Variants in SPTA1 observed in about 807,000 individuals in gnomAD.
SPTA1 encodes spectrin alpha, erythrocytic 1.
SPTA1 carries 177 observed loss-of-function variants against 324.7 expected under a neutral mutation model. That is an observed-to-expected ratio of 0.55 (90% confidence interval 0.48 to 0.62). The LOEUF (loss-of-function observed/expected upper bound fraction) is 0.62. SPTA1 is among the 20% of genes least tolerant of loss of function. The pLI, the probability that SPTA1 is intolerant of heterozygous loss-of-function variation, is 0.00. For missense variants in SPTA1, 3,162 were observed against 2,883.6 expected (o/e 1.10, Z -2.21); for synonymous variants, 1,195 against 1,041.3 (o/e 1.15, Z -2.84).
intron 5 of SPTA1, among the ~76,000 whole-genome samples, chr1:158,679,943 A>T (rs1373124820): frequency 1.3e-5 from 2 of 152,166 alleles, no homozygotes; most frequent in African/African-American, 4.8e-5. Context: ...CAGGAAAATC[A>T]TTCTCACTAT....
At chr1:158,650,723 G>A (rs182839501) in intron 24 of SPTA1, among the ~76,000 whole-genome samples, 4 of 152,256 alleles carry the variant, frequency 2.6e-5, no homozygotes, top group Admixed American at 2.6e-4. Flanking sequence ...AGTATGTGTT[G>A]TAATTTAAGA....
At chr1:158,647,469 A>T in intron 27 of SPTA1, 70 bp downstream of exon 27, 1 of 1,592,662 alleles carries the variant, frequency 6.3e-7, no homozygotes. Context: ...AGTGAACAGC[A>T]TCTGTACCCA....
chr1:158,640,135 T>C lies in SPTA1; in HGVS notation c.4738-128A>G, dbSNP rs1458996525. ...AAAATTTGCTGATACTTGAATATCA[T>C]ACATTTCAAACCAGTTATACTTAAT... On this transcript the variant is annotated intron_variant, in intron 33 of 51. Transcript: ENST00000643759. 8.7e-6 allele frequency: 10 copies of C among 1,154,354 alleles called. No individual in the cohort carries two copies. The Admixed American group carries it at 1.8e-4, about 21-fold the overall frequency. 71.5% of individuals were successfully genotyped at this position (1,154,354 alleles called of 1,614,324 possible).
At position 158,637,912 on chromosome 1, in the gene SPTA1, A is replaced by C. The variant is rs1651204021; in HGVS notation, c.5189+121T>G. ...ATGTTAACCTTAAGCTGAGGCAAACATGAAGTAGTGCTATCTTCAAGAAAC... is the reference window on the plus strand; with the variant it reads ...ATGTTAACCTTAAGCTGAGGCAAACCTGAAGTAGTGCTATCTTCAAGAAAC... On this transcript the variant is annotated intron_variant, in intron 36 of 51. Transcript: ENST00000643759. 7.7e-6 allele frequency: 9 copies of C among 1,173,766 alleles called. No homozygotes were observed. The Admixed American group carries it at 1.5e-4, about 20-fold the overall frequency. 72.7% of individuals were successfully genotyped at this position (1,173,766 alleles called of 1,614,324 possible).
intron 40 of SPTA1, 70 bp downstream of exon 40, chr1:158,627,555 G>T: frequency 7.0e-7 from 1 of 1,425,828 alleles, no homozygotes. Flanking sequence ...TATGATCTTA[G>T]CATTTCTACA....
intron 39 of SPTA1, among the ~76,000 whole-genome samples, chr1:158,632,491 A>G (rs1441114011): frequency 6.6e-6 from 1 of 152,218 alleles, no homozygotes; most frequent in Non-Finnish European, 1.5e-5. Context: ...TAACAATTCA[A>G]TTAGAAAATA....
chr1:158,666,218 A>C (rs1372598235), intron 16 of SPTA1, 98 bp downstream of exon 16: 3 of 1,236,740 alleles, frequency 2.4e-6, no homozygotes, highest in Non-Finnish European at 3.5e-6. Context: ...TTACTTATTA[A>C]GTAATTAATA....
Position 158,648,602 on chromosome 1 carries a change from A to G in SPTA1, c.3621T>C (p.Ser1207=). 1.2e-6 allele frequency: 2 copies of G among 1,614,026 alleles called. No homozygotes were observed. Among genetic ancestry groups the G allele is most frequent in the Non-Finnish European group, 1.7e-6 (2 of 1,179,974 alleles). ...EQIEKKCQAL[S]AADPGSDLFS... is the part of the protein sequence containing the mutation. ...ACAGATCTGAGCCAGGGTCTGCAGCACTGAGGGCCTGGCATTTCTTCTCAA... is the reference window on the plus strand; with the variant it reads ...ACAGATCTGAGCCAGGGTCTGCAGCGCTGAGGGCCTGGCATTTCTTCTCAA... Residue 1207 remains serine (S), a synonymous_variant, in exon 26 of 52, where the codon AGT becomes AGC. Transcript: ENST00000643759.
In SPTA1 at chr1:158,686,703, C is replaced by A; in HGVS notation, c.-186G>T. On this transcript the variant is annotated 5_prime_UTR_variant, in exon 1 of 52. Coordinates refer to ENST00000643759, the MANE Select transcript of SPTA1 (RefSeq NM_003126.4). ...ATCAGCCATACACAATCGACATTAT[C>A]TTTAGAAGACATACTCAGCTGAGGC... 1 of 534,846 alleles carries A rather than the reference C, an allele frequency of 1.9e-6. No individual in the cohort carries two copies. The highest frequency in any genetic ancestry group is 3.3e-6 in the Non-Finnish European group (1 of 299,574). 33.1% of individuals were successfully genotyped at this position (534,846 alleles called of 1,614,324 possible). A position where few individuals can be genotyped will look rare whatever the true frequency, so the allele number is the denominator to read the frequency against.
chr1:158,680,488 G>A (rs1412197923), intron 5 of SPTA1, 95 bp downstream of exon 5: 3 of 1,550,042 alleles, frequency 1.9e-6, no homozygotes, highest in Non-Finnish European at 2.7e-6. Flanking sequence ...TTCTCACAAT[G>A]CCCCATCTCC....
rs912184773 is a variant in SPTA1, at chr1:158,656,474, G to C, written c.2898+90C>G. ...TGTTTTCTTTGCCATTGTTTTTGGGGTTGTAGAAAGTAAAAAATCAGCAAT... is the reference window on the plus strand; with the variant it reads ...TGTTTTCTTTGCCATTGTTTTTGGGCTTGTAGAAAGTAAAAAATCAGCAAT... On this transcript the variant is annotated intron_variant, in intron 20 of 51. Coordinates refer to ENST00000643759, the MANE Select transcript of SPTA1 (RefSeq NM_003126.4). 85 of 1,190,088 alleles carry C rather than the reference G, an allele frequency of 7.1e-5. No homozygotes were observed. In the East Asian group the frequency reaches 1.9e-3, roughly 27 times the overall value. The allele number at this position is 1,190,088 out of a possible 1,614,324, so 73.7% of individuals were successfully genotyped here.
intron 25 of SPTA1, 109 bp from the exon 26 acceptor site, chr1:158,648,762 AC>A (rs939554198): frequency 5.2e-5 from 52 of 1,001,426 alleles, no homozygotes; most frequent in African/African-American, 2.3e-4. Context: ...CCTCCCACCC[AC>A]CCCCCCACCC....
At chr1:158,652,802 A>C (rs1249784301) in intron 22 of SPTA1, 149 bp from the exon 23 acceptor site, 19 of 943,660 alleles carry the variant, frequency 2.0e-5, no homozygotes, top group Non-Finnish European at 3.0e-5. Context: ...GAGGAAATAA[A>C]CTTAGAAGGA....
rs541919005 is a variant in SPTA1 at position 158,640,936 on chromosome 1, G to C, written c.4738-929C>G. Among the ~76,000 whole-genome samples, 35 of 152,274 alleles carry C rather than the reference G, an allele frequency of 2.3e-4. 1 individual carries two copies. In the East Asian group the frequency reaches 6.4e-3, roughly 28 times the overall value. ...CTACAAGGCTACAGTAACCAAAACAGCATGGTACTGGTACCAAAACAGAGA... is the reference window on the plus strand; with the variant it reads ...CTACAAGGCTACAGTAACCAAAACACCATGGTACTGGTACCAAAACAGAGA... On this transcript the variant is annotated intron_variant, in intron 33 of 51. Transcript: ENST00000643759.
intron 35 of SPTA1, chr1:158,639,162 G>C (rs1039715938): frequency 5.1e-6 from 1 of 197,568 alleles, no homozygotes; most frequent in African/African-American, 2.4e-5. Context: ...GATGCAACCA[G>C]AATCCTTGAC....
At chr1:158,684,305 G>A (rs1365426629) in intron 2 of SPTA1, among the ~76,000 whole-genome samples, 1 of 151,918 alleles carries the variant, frequency 6.6e-6, no homozygotes, top group Non-Finnish European at 1.5e-5. Flanking sequence ...AACTAAATTG[G>A]ATTTTAGTTA....
At chr1:158,647,421 G>A in intron 27 of SPTA1, 118 bp downstream of exon 27, 1 of 1,272,454 alleles carries the variant, frequency 7.9e-7, no homozygotes, top group Non-Finnish European at 1.1e-6. Flanking sequence ...CCTTGCAAGA[G>A]GTGAGACTTA....
At chr1:158,674,751 G>C in intron 8 of SPTA1, 76 bp from the exon 9 acceptor site, 1 of 1,590,206 alleles carries the variant, frequency 6.3e-7, no homozygotes, top group African/African-American at 1.3e-5. Flanking sequence ...TTTAGGTTTG[G>C]GGTGAGGTAA....
intron 8 of SPTA1, 76 bp from the exon 9 acceptor site, chr1:158,674,751 G>A: frequency 6.3e-7 from 1 of 1,590,206 alleles, no homozygotes; most frequent in Non-Finnish European, 8.6e-7. Context: ...TTTAGGTTTG[G>A]GGTGAGGTAA....
Sources: allele counts gnomAD v4.1 joint callset (sites outside exome capture counted in the v4.1 genomes callset), GRCh38; gene constraint gnomAD v4.1.1; transcripts MANE v1.5; gene names NCBI Gene and HGNC (gene_info 2026-07-23, HGNC 2026-07-21).